Variants in ASPH observed in about 807,000 individuals in gnomAD.
ASPH encodes aspartate beta-hydroxylase.
In ASPH, 100 loss-of-function variants were observed where a neutral mutation model predicts 118.4. The observed-to-expected ratio is 0.84, with a 90% CI of 0.72 to 1.00. ASPH has a LOEUF of 1.00. Ranked by LOEUF, ASPH falls within the 50% of genes least tolerant of loss-of-function variation. The probability of loss-of-function intolerance (pLI) is 0.00; values close to 1 mark genes in which losing one functional copy is unlikely to be tolerated. For synonymous variants in ASPH, 315 were observed against 325.6 expected, an observed-to-expected ratio of 0.97 and a Z score of 0.35; for missense variants, 920 against 919.5, an observed-to-expected ratio of 1.00 and a Z score of -0.01.
At chr8:61,582,870 T>C (rs568081923) in intron 15 of ASPH, 1 of 152,164 alleles carries the variant, frequency 6.6e-6, no homozygotes, top group Admixed American at 6.5e-5. Flanking sequence ...AAGTGCAGAG[T>C]AGAGAAACAA....
At chr8:61,526,806 A>T (rs368143530) in intron 21 of ASPH, among the ~76,000 whole-genome samples, 1 of 152,102 alleles carries the variant, frequency 6.6e-6, no homozygotes, top group Admixed American at 6.6e-5. Context: ...CCTCTGGGCA[A>T]TCTGCACCAT....
At chr8:61,656,229 C>T (rs1396262269) in intron 3 of ASPH, 2 of 152,136 alleles carry the variant, frequency 1.3e-5, no homozygotes, top group Non-Finnish European at 1.5e-5. Context: ...GTGTCGGTTT[C>T]GATGTTCCTG....
intron 21 of ASPH, among the ~76,000 whole-genome samples, chr8:61,540,085 A>G (rs1821289066): frequency 6.6e-6 from 1 of 152,188 alleles, no homozygotes; most frequent in Admixed American, 6.5e-5. Flanking sequence ...AATAAGCTGA[A>G]AAGAGAAAAC....
chr8:61,627,653 A>G (rs1169006553), intron 13 of ASPH, among the ~76,000 whole-genome samples: 1 of 152,200 alleles, frequency 6.6e-6, no homozygotes, highest in East Asian at 1.9e-4. Flanking sequence ...AGGAAGATAC[A>G]TTTCAGAAGT....
intron 1 of ASPH, among the ~76,000 whole-genome samples, chr8:61,696,432 T>A (rs1448620116): frequency 6.6e-6 from 1 of 152,304 alleles, no homozygotes; most frequent in East Asian, 1.9e-4. Flanking sequence ...CACACCTCTG[T>A]GCTAATACCG....
intron 20 of ASPH, among the ~76,000 whole-genome samples, chr8:61,549,714 T>C (rs1395615394): frequency 2.0e-5 from 3 of 152,202 alleles, no homozygotes; most frequent in Admixed American, 6.5e-5. Context: ...TTCCTATGCT[T>C]TTCAGGGCAA....
chr8:61,597,575 C>T (rs990781899), intron 14 of ASPH, among the ~76,000 whole-genome samples: 3 of 151,986 alleles, frequency 2.0e-5, no homozygotes, highest in Non-Finnish European at 4.4e-5. Flanking sequence ...TGGTCTTCTC[C>T]AAGTTACATT....
intron 24 of ASPH, among the ~76,000 whole-genome samples, chr8:61,511,776 G>A (rs1808926632): frequency 6.6e-6 from 1 of 152,148 alleles, no homozygotes; most frequent in African/African-American, 2.4e-5. Flanking sequence ...GCTAATTTTT[G>A]TATTTTTAGT....
chr8:61,711,481 G>GA (rs1351696189), intron 1 of ASPH, among the ~76,000 whole-genome samples: 29 of 151,364 alleles, frequency 1.9e-4, no homozygotes, highest in South Asian at 4.2e-4. Flanking sequence ...GAGTAAAACT[G>GA]AAAAAAAAGT....
intron 2 of ASPH, chr8:61,682,516 T>C (rs1373546074): frequency 3.1e-6 from 5 of 1,590,426 alleles, no homozygotes; most frequent in African/African-American, 2.7e-5. Context: ...AAACTGTTAT[T>C]TGTGCTTAAA....
At position 61,529,033 on chromosome 8, in the gene ASPH, T is replaced by C. The variant is rs150627709; in HGVS notation, c.1765-2921A>G. On this transcript the variant is annotated intron_variant, in intron 21 of 24. Transcript: ENST00000379454. ...CAATACTTTCTTACAGAATTTTACATTGGGAAGGAACCATACTGTTAATCT... is the reference window on the plus strand; with the variant it reads ...CAATACTTTCTTACAGAATTTTACACTGGGAAGGAACCATACTGTTAATCT... Among the ~76,000 whole-genome samples, 333 of 152,020 alleles carry C rather than the reference T, an allele frequency of 2.2e-3. 2 individuals are homozygous for C. Among genetic ancestry groups the C allele is most frequent in the Middle Eastern group, 3.4e-3 (1 of 294 alleles).
chr8:61,518,484 C>T (rs1811705445), intron 22 of ASPH, among the ~76,000 whole-genome samples: 1 of 152,010 alleles, frequency 6.6e-6, no homozygotes, highest in South Asian at 2.1e-4. Context: ...TTTTGACTCC[C>T]CAAAAACTTA....
chr8:61,625,560 T>C (rs570650805), intron 13 of ASPH: 7 of 985,102 alleles, frequency 7.1e-6, no homozygotes, highest in Middle Eastern at 5.2e-4. Context: ...TTCTTTTTCC[T>C]TGTGTCTTAA....
intron 24 of ASPH, among the ~76,000 whole-genome samples, chr8:61,505,493 C>CAAAAAA (rs59845860): frequency 9.0e-6 from 1 of 110,562 alleles, no homozygotes; most frequent in Non-Finnish European, 1.9e-5. Context: ...GACTCCATCT[C>CAAAAAA]AAAAAAAAAA....
intron 3 of ASPH, chr8:61,658,443 T>C (rs1814936850): frequency 6.6e-6 from 1 of 152,150 alleles, no homozygotes; most frequent in Non-Finnish European, 1.5e-5. Flanking sequence ...TTTAACATCA[T>C]GAAAAATACA....
chr8:61,618,760 C>T (rs541130333), intron 14 of ASPH, among the ~76,000 whole-genome samples: 1 of 152,170 alleles, frequency 6.6e-6, no homozygotes, highest in South Asian at 2.1e-4. Context: ...AATGTCAAAA[C>T]TAGAATTAGA....
intron 3 of ASPH, among the ~76,000 whole-genome samples, chr8:61,679,263 A>G (rs1044492747): frequency 2.0e-5 from 3 of 152,124 alleles, no homozygotes; most frequent in Non-Finnish European, 4.4e-5. Flanking sequence ...ACCAAAATAA[A>G]CCTTGATATT....
intron 3 of ASPH, chr8:61,665,136 C>T: frequency 6.8e-7 from 1 of 1,471,266 alleles, no homozygotes; most frequent in East Asian, 2.4e-5. Context: ...ATGATACATT[C>T]AATGGCTAAT....
At chr8:61,582,858 T>A (rs1185904340) in intron 15 of ASPH, 1 of 152,124 alleles carries the variant, frequency 6.6e-6, no homozygotes, top group East Asian at 1.9e-4. Context: ...GAGTCTACAT[T>A]CAAGTGCAGA....
Sources: allele counts gnomAD v4.1 joint callset (sites outside exome capture counted in the v4.1 genomes callset), GRCh38; gene constraint gnomAD v4.1.1; transcripts MANE v1.5; gene names NCBI Gene and HGNC (gene_info 2026-07-23, HGNC 2026-07-21).